The following UAP1 variants were observed in gnomAD, a reference collection of about 807,000 sequenced individuals.
UAP1 encodes UDP-N-acetylglucosamine pyrophosphorylase 1.
UAP1 carries 25 observed loss-of-function variants against 58.5 expected under a neutral mutation model. The observed-to-expected ratio is 0.43, with a 90% CI of 0.31 to 0.60. UAP1 has a LOEUF of 0.60. Ranked by LOEUF, UAP1 falls within the 20% of genes least tolerant of loss-of-function variation. UAP1 has a pLI of 0.11. For missense variants in UAP1, 575 were observed against 630.0 expected, an observed-to-expected ratio of 0.91 and a Z score of 0.93; for synonymous variants, 208 against 213.0, an observed-to-expected ratio of 0.98 and a Z score of 0.21.
chr1:162,599,286 G>C (rs201467700), exon 11 of UAP1: 1 of 1,611,718 alleles, frequency 6.2e-7, no homozygotes, highest in Admixed American at 1.7e-5. Flanking sequence ...AGAAAGTTAT[G>C]TGGCAGATAA....
Position 162,592,913 on chromosome 1 carries a change from G to T in UAP1, c.1409+131G>T. ...GGATGGTTGAAACTTTGGTGTGGGT[G>T]CACTGCTTACTTGGTGGCAGGTATC... is the stretch of plus-strand genomic sequence containing the variant. On this transcript the variant is annotated intron_variant, in intron 9 of 10. Coordinates refer to ENST00000271469, the Ensembl canonical transcript of UAP1. The T allele has an allele frequency of 1.8e-5, 13 of 737,916 alleles. No individual in the cohort carries two copies. The South Asian group carries it at 2.3e-4, about 13-fold the overall frequency. 45.7% of individuals were successfully genotyped at this position (737,916 alleles called of 1,614,324 possible).
chr1:162,567,808 G>T (rs891157664), intron 2 of UAP1, among the ~76,000 whole-genome samples: 1 of 151,726 alleles, frequency 6.6e-6, no homozygotes, highest in African/African-American at 2.4e-5. Flanking sequence ...TTTCTTTGTG[G>T]TTTTTTTTGA....
intron 9 of UAP1, 98 bp from the exon 10 acceptor site, chr1:162,597,694 T>C: frequency 5.5e-6 from 5 of 910,386 alleles, no homozygotes; most frequent in South Asian, 1.6e-5. Context: ...GGAAGAATTA[T>C]CTGCAAGCTT....
At chr1:162,598,423 G>A (rs1655739968) in intron 10 of UAP1, among the ~76,000 whole-genome samples, 1 of 152,108 alleles carries the variant, frequency 6.6e-6, no homozygotes, top group African/African-American at 2.4e-5. Flanking sequence ...TCCCATAAGT[G>A]GGTTAGTTGC....
At chr1:162,568,616 A>G (rs1653673912) in intron 2 of UAP1, among the ~76,000 whole-genome samples, 1 of 152,220 alleles carries the variant, frequency 6.6e-6, no homozygotes, top group African/African-American at 2.4e-5. Context: ...TGAGAGAATG[A>G]TGCCTAGGTA....
At chr1:162,574,929 A>C (rs1366591288) in intron 2 of UAP1, among the ~76,000 whole-genome samples, 1 of 152,156 alleles carries the variant, frequency 6.6e-6, no homozygotes, top group Non-Finnish European at 1.5e-5. Flanking sequence ...ATTATGCTTG[A>C]TGACTATTTA....
exon 7 of UAP1, chr1:162,588,746 T>G: frequency 6.2e-7 from 1 of 1,612,576 alleles, no homozygotes; most frequent in African/African-American, 1.3e-5. Flanking sequence ...ATTCCTTATG[T>G]GGATACCCAA....
chr1:162,577,956 C>T (rs897345153), intron 3 of UAP1, among the ~76,000 whole-genome samples: 1 of 151,618 alleles, frequency 6.6e-6, no homozygotes, highest in South Asian at 2.1e-4. Context: ...GTCTCAAATT[C>T]CTGAGCTCAA....
chr1:162,597,772 ATACT>A lies in UAP1; in HGVS notation c.1410-18_1410-15del. On this transcript the variant is annotated splice_polypyrimidine_tract_variant and intron_variant, in intron 9 of 10. Coordinates refer to ENST00000271469, the Ensembl canonical transcript of UAP1. Reference sequence around the variant, plus strand: ...ACATGGGAAGCAAAGTCTTTAACACATACTTGTTTTTTTTCTTAGCTTGAAGGAT... The same window carrying A: ...ACATGGGAAGCAAAGTCTTTAACACATGTTTTTTTTCTTAGCTTGAAGGAT... The A allele has an allele frequency of 6.2e-7, 1 of 1,609,750 alleles. No homozygotes were observed. The highest frequency in any genetic ancestry group is 1.1e-5 in the South Asian group (1 of 90,346).
chr1:162,581,577 T>C (rs1654588691), intron 5 of UAP1, 118 bp downstream of exon 5: 2 of 1,112,070 alleles, frequency 1.8e-6, no homozygotes, highest in Non-Finnish European at 2.5e-6. Flanking sequence ...CATTTATCTC[T>C]CTAAAGTAAC....
intron 5 of UAP1, among the ~76,000 whole-genome samples, chr1:162,582,469 TAAG>T (rs908378297): frequency 5.3e-5 from 8 of 152,310 alleles, no homozygotes; most frequent in African/African-American, 1.4e-4. Flanking sequence ...TGTGTATGTA[TAAG>T]AAGAACACAT....
chr1:162,590,663 T>G, intron 8 of UAP1, 152 bp downstream of exon 8: 2 of 496,496 alleles, frequency 4.0e-6, no homozygotes, highest in Middle Eastern at 3.1e-4. Context: ...TAACAGTAGC[T>G]TTGCCTATTA....
chr1:162,573,534 TG>T (rs1653995314), intron 2 of UAP1, among the ~76,000 whole-genome samples: 1 of 152,210 alleles, frequency 6.6e-6, no homozygotes, highest in Non-Finnish European at 1.5e-5. Flanking sequence ...TTAAATGCTA[TG>T]GAGTTAATGA....
chr1:162,578,727 G>C (rs1007044424), intron 3 of UAP1, among the ~76,000 whole-genome samples: 6 of 152,180 alleles, frequency 3.9e-5, no homozygotes, highest in Non-Finnish European at 7.3e-5. Flanking sequence ...TAAACAGACA[G>C]ATACCTCCTG....
chr1:162,587,779 C>T (rs533627147), intron 6 of UAP1, 111 bp downstream of exon 6: 10 of 1,044,672 alleles, frequency 9.6e-6, no homozygotes, highest in Non-Finnish European at 1.4e-5. Context: ...ATTCATCTTT[C>T]CTGAGGATCA....
chr1:162,590,490 C>G, exon 8 of UAP1: 2 of 1,601,984 alleles, frequency 1.2e-6, no homozygotes, highest in Admixed American at 1.7e-5. Context: ...GAAAATGGCT[C>G]TCGCCTTCCA....
intron 2 of UAP1, among the ~76,000 whole-genome samples, chr1:162,568,358 T>C (rs1311982583): frequency 1.3e-5 from 2 of 152,152 alleles, no homozygotes; most frequent in African/African-American, 2.4e-5. Context: ...CTGCCTCTTA[T>C]AGGGAGGGAG....
chr1:162,595,975 C>T (rs1451050439), intron 9 of UAP1, among the ~76,000 whole-genome samples: 1 of 152,068 alleles, frequency 6.6e-6, no homozygotes, highest in Non-Finnish European at 1.5e-5. Context: ...CCTCAGCCTC[C>T]TGAGTAGCTG....
intron 2 of UAP1, among the ~76,000 whole-genome samples, chr1:162,573,399 G>C (rs577429511): frequency 1.4e-4 from 22 of 152,108 alleles, no homozygotes; most frequent in Non-Finnish European, 2.6e-4. Context: ...ACTTCTCTGA[G>C]TTCATTATCT....
Sources: gnomAD v4.1 joint callset for allele counts (sites outside exome capture counted in the v4.1 genomes callset) on GRCh38, gnomAD v4.1.1 for gene constraint, MANE v1.5 for transcripts, NCBI Gene and HGNC (gene_info 2026-07-23, HGNC 2026-07-21) for gene names.